CACNA2D1: variants seen among roughly 807,000 people sequenced by gnomAD.
The protein encoded by CACNA2D1 is calcium voltage-gated channel auxiliary subunit alpha2delta 1, also known as voltage-dependent calcium channel subunit alpha-2/delta-1.
In CACNA2D1, 53 loss-of-function variants were observed where a neutral mutation model predicts 171.5. The observed-to-expected ratio is 0.31, with a 90% CI of 0.25 to 0.39. The LOEUF (loss-of-function observed/expected upper bound fraction) is 0.39. Among genes scored for constraint, CACNA2D1 ranks in the 10% least tolerant of loss-of-function variants. The pLI is 1.00. For synonymous variants in CACNA2D1, 442 were observed against 443.1 expected (o/e 1.00, Z 0.03); for missense variants, 903 against 1,299.8 (o/e 0.69, Z 4.69).
rs908112032 is a variant in CACNA2D1, at chr7:82,443,774, C to T, written c.-315G>A. ...GAGCCCGCCGGCGCTCGCGCGCTCT[C>T]GCTCTCCCTCTCGGTTTCCTCCCTG... On this transcript the variant is annotated 5_prime_UTR_variant, in exon 1 of 39. Transcript: ENST00000356860. 2.8e-6 allele frequency: 3 copies of T among 1,057,306 alleles called. No individual in the cohort carries two copies. Among genetic ancestry groups the T allele is most frequent in the Non-Finnish European group, 2.4e-6 (2 of 829,688 alleles). 65.5% of individuals were successfully genotyped at this position (1,057,306 alleles called of 1,614,324 possible). A position where few individuals can be genotyped will look rare whatever the true frequency, so the allele number is the denominator to read the frequency against.
intron 3 of CACNA2D1, among the ~76,000 whole-genome samples, chr7:82,259,261 C>A (rs1039586559): frequency 6.6e-6 from 1 of 151,938 alleles, no homozygotes; most frequent in Non-Finnish European, 1.5e-5. Flanking sequence ...TATAGGCAGG[C>A]CTTTTATGGA....
intron 1 of CACNA2D1, among the ~76,000 whole-genome samples, chr7:82,403,175 A>AG (rs1826631861): frequency 6.6e-6 from 1 of 152,206 alleles, no homozygotes; most frequent in Admixed American, 6.5e-5. Context: ...GGAGATAAAA[A>AG]GGGGTCTAAG....
intron 1 of CACNA2D1, among the ~76,000 whole-genome samples, chr7:82,426,251 T>C (rs1163671656): frequency 6.6e-6 from 1 of 152,098 alleles, no homozygotes; most frequent in Non-Finnish European, 1.5e-5. Flanking sequence ...ATTTCCTCTG[T>C]ATAATCTGAT....
At chr7:82,128,137 C>T (rs1281391136) in intron 5 of CACNA2D1, among the ~76,000 whole-genome samples, 2 of 151,688 alleles carry the variant, frequency 1.3e-5, no homozygotes, top group African/African-American at 4.9e-5. Flanking sequence ...ACCATATTGC[C>T]CAGGCTGGTC....
chr7:82,320,880 A>G (rs1410987011), intron 3 of CACNA2D1, among the ~76,000 whole-genome samples: 1 of 152,154 alleles, frequency 6.6e-6, no homozygotes, highest in East Asian at 1.9e-4. Context: ...TACATTCACA[A>G]AATTGAATAC....
At chr7:82,388,687 G>A (rs1290981769) in intron 1 of CACNA2D1, among the ~76,000 whole-genome samples, 1 of 152,184 alleles carries the variant, frequency 6.6e-6, no homozygotes, top group Non-Finnish European at 1.5e-5. Context: ...TGTACAGTGT[G>A]CACCTTCTGC....
chr7:82,163,442 T>A (rs1795139016), intron 4 of CACNA2D1, among the ~76,000 whole-genome samples: 1 of 151,984 alleles, frequency 6.6e-6, no homozygotes, highest in Non-Finnish European at 1.5e-5. Flanking sequence ...GTCAATTGAT[T>A]ATCATTTCCT....
At chr7:82,193,895 C>G (rs912905320) in intron 3 of CACNA2D1, among the ~76,000 whole-genome samples, 8 of 151,862 alleles carry the variant, frequency 5.3e-5, no homozygotes, top group African/African-American at 1.9e-4. Context: ...AAAACATTCC[C>G]TTTATCTATT....
At chr7:82,118,948 G>A (rs1017989169) in intron 5 of CACNA2D1, among the ~76,000 whole-genome samples, 2 of 151,896 alleles carry the variant, frequency 1.3e-5, no homozygotes, top group African/African-American at 4.8e-5. Context: ...TTATCTTTAA[G>A]CTACTGGAAA....
At chr7:82,183,388 C>T (rs1474803455) in intron 3 of CACNA2D1, among the ~76,000 whole-genome samples, 1 of 152,096 alleles carries the variant, frequency 6.6e-6, no homozygotes, top group Non-Finnish European at 1.5e-5. Flanking sequence ...CCCAATAATA[C>T]ATGGTAACTA....
intron 3 of CACNA2D1, among the ~76,000 whole-genome samples, chr7:82,282,229 C>T (rs1426785593): frequency 6.6e-6 from 1 of 152,118 alleles, no homozygotes; most frequent in Non-Finnish European, 1.5e-5. Context: ...ACCCAGGAGG[C>T]GGAGGTTGCA....
chr7:82,149,912 G>A (rs1016171258), intron 4 of CACNA2D1, among the ~76,000 whole-genome samples: 3 of 151,898 alleles, frequency 2.0e-5, no homozygotes, highest in Non-Finnish European at 2.9e-5. Flanking sequence ...AGCCGAGATC[G>A]CGCCACTGCA....
intron 4 of CACNA2D1, among the ~76,000 whole-genome samples, chr7:82,151,681 C>G (rs139579109): frequency 2.9e-4 from 44 of 152,152 alleles, no homozygotes; most frequent in Middle Eastern, 3.4e-3. Flanking sequence ...TGCAGAGAAG[C>G]TGAGCCAATT....
intron 3 of CACNA2D1, among the ~76,000 whole-genome samples, chr7:82,295,126 C>T (rs1327094772): frequency 6.6e-6 from 1 of 152,048 alleles, no homozygotes; most frequent in Admixed American, 6.6e-5. Flanking sequence ...TTCATTTTGC[C>T]CATTTCCTCA....
At position 82,122,731 on chromosome 7, in the gene CACNA2D1, T is replaced by C. The variant is rs894362174; in HGVS notation, c.397-5558A>G. ...AAGGCACTATGTGATTTTTACAGAG[T>C]CTGAAAGTTCAACATAGCACTCCCC... On this transcript the variant is annotated intron_variant, in intron 5 of 38. Transcript: ENST00000356860. Among the ~76,000 whole-genome samples the C allele has an allele frequency of 7.7e-4, 118 of 152,258 alleles. 1 individual carries two copies. The highest frequency in any genetic ancestry group is 2.7e-3 in the African/African-American group (114 of 41,560).
At chr7:82,144,572 C>T (rs1013722403) in intron 4 of CACNA2D1, among the ~76,000 whole-genome samples, 1 of 151,872 alleles carries the variant, frequency 6.6e-6, no homozygotes, top group East Asian at 1.9e-4. Flanking sequence ...AAAATTCTAG[C>T]AGAAGGTTAA....
At chr7:82,022,339 C>T (rs1178202998) in intron 12 of CACNA2D1, among the ~76,000 whole-genome samples, 2 of 151,848 alleles carry the variant, frequency 1.3e-5, no homozygotes, top group South Asian at 2.1e-4. Flanking sequence ...TTCACAGTAA[C>T]TCCAGAATAA....
At chr7:82,106,793 A>G (rs1787812229) in intron 6 of CACNA2D1, among the ~76,000 whole-genome samples, 1 of 152,126 alleles carries the variant, frequency 6.6e-6, no homozygotes, top group Admixed American at 6.6e-5. Context: ...GTGGAAAAAT[A>G]TATGATATGA....
At chr7:82,406,180 G>C (rs893163521) in intron 1 of CACNA2D1, among the ~76,000 whole-genome samples, 1 of 152,044 alleles carries the variant, frequency 6.6e-6, no homozygotes, top group African/African-American at 2.4e-5. Flanking sequence ...CAGAATGATG[G>C]TTTCCAGCTT....
Sources: allele counts gnomAD v4.1 joint callset (sites outside exome capture counted in the v4.1 genomes callset), GRCh38; gene constraint gnomAD v4.1.1; transcripts MANE v1.5; gene names NCBI Gene and HGNC (gene_info 2026-07-23, HGNC 2026-07-21).